The following MAST4 variants were observed in gnomAD, a reference collection of about 807,000 sequenced individuals.
MAST4 encodes the protein microtubule associated serine/threonine kinase family member 4, also known as microtubule-associated serine/threonine-protein kinase 4.
MAST4 carries 89 observed loss-of-function variants against 162.7 expected under a neutral mutation model. The observed-to-expected ratio is 0.55, with a 90% confidence interval of 0.46 to 0.65. The LOEUF (loss-of-function observed/expected upper bound fraction) is 0.65. Ranked by LOEUF, MAST4 falls within the 30% of genes least tolerant of loss-of-function variation. MAST4 has a pLI of 0.00. For synonymous variants in MAST4, 1,479 were observed against 1,361.1 expected (o/e 1.09, Z -1.91); for missense variants, 3,153 against 3,374.0 (o/e 0.93, Z 1.62).
intron 4 of MAST4, among the ~76,000 whole-genome samples, chr5:66,902,128 G>A (rs1763049772): frequency 6.6e-6 from 1 of 152,104 alleles, no homozygotes; most frequent in Admixed American, 6.5e-5. Flanking sequence ...CAGAAAGATT[G>A]GGGTTTGCTT....
chr5:67,082,819 AGTAATT>A (rs1480776255), intron 5 of MAST4, among the ~76,000 whole-genome samples: 1 of 152,214 alleles, frequency 6.6e-6, no homozygotes, highest in Non-Finnish European at 1.5e-5. Context: ...ATAGTAATAA[AGTAATT>A]GTAAATGTTA....
chr5:66,663,480 C>A, intron 1 of MAST4, among the ~76,000 whole-genome samples: 1 of 152,108 alleles, frequency 6.6e-6, no homozygotes, highest in East Asian at 1.9e-4. Flanking sequence ...CTGTCTTTTA[C>A]TGGTCAGTTA....
chr5:67,004,105 GTTTA>G (rs1458983019), intron 4 of MAST4, among the ~76,000 whole-genome samples: 3 of 152,242 alleles, frequency 2.0e-5, no homozygotes, highest in Non-Finnish European at 2.9e-5. Flanking sequence ...GCAGCCGCGG[GTTTA>G]TTTATTTATT....
chr5:66,706,170 G>A (rs1247135365), intron 1 of MAST4, among the ~76,000 whole-genome samples: 1 of 152,130 alleles, frequency 6.6e-6, no homozygotes, highest in Admixed American at 6.5e-5. Flanking sequence ...TTGATCCAGG[G>A]ATATATCTTT....
intron 1 of MAST4, among the ~76,000 whole-genome samples, chr5:66,606,953 A>G (rs1050420317): frequency 6.6e-6 from 1 of 152,040 alleles, no homozygotes; most frequent in Admixed American, 6.6e-5. Flanking sequence ...ATATGAATAT[A>G]CTCATTTAAA....
At chr5:66,657,098 T>C (rs1580121001) in intron 1 of MAST4, among the ~76,000 whole-genome samples, 1 of 152,348 alleles carries the variant, frequency 6.6e-6, no homozygotes, top group East Asian at 1.9e-4. Context: ...CTTAAAAATG[T>C]TCATTCCAGA....
At chr5:67,031,661 A>G (rs1016183747) in intron 4 of MAST4, among the ~76,000 whole-genome samples, 7 of 152,224 alleles carry the variant, frequency 4.6e-5, no homozygotes, top group African/African-American at 1.4e-4. Context: ...ATTAAACCTG[A>G]TTGTGCTGAT....
chr5:67,027,877 A>G (rs1317019954), intron 4 of MAST4, among the ~76,000 whole-genome samples: 1 of 152,178 alleles, frequency 6.6e-6, no homozygotes, highest in Non-Finnish European at 1.5e-5. Flanking sequence ...AGCTGAGTGT[A>G]GTTGACTCTC....
chr5:67,034,766 A>G (rs1184637327), intron 4 of MAST4, among the ~76,000 whole-genome samples: 1 of 152,202 alleles, frequency 6.6e-6, no homozygotes, highest in Non-Finnish European at 1.5e-5. Flanking sequence ...AATATATTTA[A>G]CAATAAAAGC....
intron 4 of MAST4, among the ~76,000 whole-genome samples, chr5:67,021,162 C>T (rs1753931858): frequency 6.6e-6 from 1 of 152,208 alleles, no homozygotes; most frequent in Non-Finnish European, 1.5e-5. Flanking sequence ...AACCCTTCTA[C>T]AGCCCTACCC....
At chr5:66,723,138 G>A (rs1391675312) in intron 1 of MAST4, among the ~76,000 whole-genome samples, 2 of 152,150 alleles carry the variant, frequency 1.3e-5, no homozygotes, top group African/African-American at 4.8e-5. Flanking sequence ...GTCTTCAGTG[G>A]CACTTCAGTG....
chr5:66,660,728 A>G (rs910675298), intron 1 of MAST4, among the ~76,000 whole-genome samples: 1 of 152,162 alleles, frequency 6.6e-6, no homozygotes, highest in African/African-American at 2.4e-5. Flanking sequence ...GGATAAAACT[A>G]TTTTTTTGAT....
At chr5:66,700,790 T>TACAC (rs1301662032) in intron 1 of MAST4, among the ~76,000 whole-genome samples, 65 of 106,838 alleles carry the variant, frequency 6.1e-4, no homozygotes, top group African/African-American at 2.4e-3. Context: ...ATTATATATA[T>TACAC]ATATATATAT....
At chr5:67,130,020 G>GA (rs940036061) in intron 14 of MAST4, among the ~76,000 whole-genome samples, 190 bp from the exon 15 acceptor site, 7 of 151,924 alleles carry the variant, frequency 4.6e-5, no homozygotes, top group Middle Eastern at 3.4e-3. Context: ...GAAATAATTT[G>GA]AAAAAAAATC....
At chr5:66,826,734 A>G (rs1172488086) in intron 3 of MAST4, among the ~76,000 whole-genome samples, 2 of 152,146 alleles carry the variant, frequency 1.3e-5, no homozygotes, top group Admixed American at 1.3e-4. Context: ...TGAGTACACC[A>G]TGCTTGGCTT....
intron 1 of MAST4, among the ~76,000 whole-genome samples, chr5:66,724,070 C>A (rs114688295): frequency 4.1e-4 from 63 of 152,182 alleles, no homozygotes; most frequent in Non-Finnish European, 4.3e-4. Context: ...ATAAAATTGG[C>A]ACTCTTAGTG....
At chr5:67,079,625 A>T (rs1165041490) in intron 5 of MAST4, among the ~76,000 whole-genome samples, 1 of 152,086 alleles carries the variant, frequency 6.6e-6, no homozygotes, top group African/African-American at 2.4e-5. Flanking sequence ...AATCATTTGA[A>T]TTTTTTTCCA....
chr5:66,925,884 G>C (rs75505277), intron 4 of MAST4, among the ~76,000 whole-genome samples: 2,214 of 152,014 alleles, frequency 0.015, 62 homozygotes, highest in African/African-American at 0.051. Flanking sequence ...AACATGCTAT[G>C]TTCCTAATAT....
intron 1 of MAST4, among the ~76,000 whole-genome samples, chr5:66,695,481 T>A (rs1398376348): frequency 1.3e-5 from 2 of 152,164 alleles, no homozygotes. Flanking sequence ...TTGCTTAGGG[T>A]TGTCTTGGCT....
Sources: gnomAD v4.1 joint callset for allele counts (sites outside exome capture counted in the v4.1 genomes callset) on GRCh38, gnomAD v4.1.1 for gene constraint, MANE v1.5 for transcripts, NCBI Gene and HGNC (gene_info 2026-07-23, HGNC 2026-07-21) for gene names.